The following FSTL5 variants were observed in gnomAD, a reference collection of about 807,000 sequenced individuals.
FSTL5 encodes follistatin like 5, also known as follistatin-related protein 5.
In FSTL5, 62 loss-of-function variants were observed where a neutral mutation model predicts 89.1. That is an observed-to-expected ratio of 0.70 (90% confidence interval 0.57 to 0.86). The LOEUF is 0.86. FSTL5 is among the 40% of genes least tolerant of loss of function. The pLI, the probability that FSTL5 is intolerant of heterozygous loss-of-function variation, is 0.00. For missense variants in FSTL5, 1,057 were observed against 1,001.6 expected, an observed-to-expected ratio of 1.06 and a Z score of -0.75; for synonymous variants, 383 against 346.2, an observed-to-expected ratio of 1.11 and a Z score of -1.18.
At chr4:161,957,280 C>A (rs1352828466) in intron 3 of FSTL5, among the ~76,000 whole-genome samples, 1 of 151,730 alleles carries the variant, frequency 6.6e-6, no homozygotes, top group Non-Finnish European at 1.5e-5. Flanking sequence ...AATTATAGCA[C>A]CCTAACTTTT....
At chr4:162,116,360 T>C (rs1255484969) in intron 1 of FSTL5, among the ~76,000 whole-genome samples, 1 of 152,208 alleles carries the variant, frequency 6.6e-6, no homozygotes, top group Non-Finnish European at 1.5e-5. Flanking sequence ...AGTATCTACA[T>C]GCTGTAACAC....
chr4:161,922,246 G>A (rs1048164161), intron 3 of FSTL5, among the ~76,000 whole-genome samples: 4 of 151,578 alleles, frequency 2.6e-5, no homozygotes, highest in African/African-American at 7.3e-5. Flanking sequence ...ACAAATAGGT[G>A]GAAAAATAAT....
At chr4:161,630,290 T>G (rs1172047692) in intron 7 of FSTL5, among the ~76,000 whole-genome samples, 1 of 152,194 alleles carries the variant, frequency 6.6e-6, no homozygotes, top group South Asian at 2.1e-4. Context: ...CCAGCTCTCA[T>G]TTAGCCTCTG....
intron 1 of FSTL5, among the ~76,000 whole-genome samples, chr4:162,161,632 T>C (rs534678083): frequency 6.6e-6 from 1 of 152,108 alleles, no homozygotes; most frequent in African/African-American, 2.4e-5. Flanking sequence ...ATATTTATAC[T>C]TGAATAAAGA....
chr4:161,515,736 A>G (rs751782454), intron 10 of FSTL5, among the ~76,000 whole-genome samples: 73 of 151,990 alleles, frequency 4.8e-4, no homozygotes, highest in Non-Finnish European at 9.0e-4. Context: ...CCTAGTACCA[A>G]TATCAGATGC....
At chr4:161,604,754 A>G (rs1734378038) in intron 7 of FSTL5, among the ~76,000 whole-genome samples, 1 of 152,142 alleles carries the variant, frequency 6.6e-6, no homozygotes, top group Non-Finnish European at 1.5e-5. Context: ...ACTGCTGTAA[A>G]CTGCTTTTTA....
intron 8 of FSTL5, among the ~76,000 whole-genome samples, chr4:161,543,421 G>T (rs1406385986): frequency 6.6e-6 from 1 of 151,862 alleles, no homozygotes; most frequent in Non-Finnish European, 1.5e-5. Context: ...CAAAGGTACA[G>T]TGTAATCCTT....
At chr4:161,453,227 A>G (rs2126396814) in intron 15 of FSTL5, among the ~76,000 whole-genome samples, 1 of 152,350 alleles carries the variant, frequency 6.6e-6, no homozygotes, top group South Asian at 2.1e-4. Context: ...TATTAATAGT[A>G]CATTTTTAAA....
intron 4 of FSTL5, among the ~76,000 whole-genome samples, chr4:161,878,598 TACA>T (rs1447240717): frequency 3.9e-5 from 6 of 151,982 alleles, no homozygotes; most frequent in Admixed American, 1.3e-4. Context: ...AATAAGAAAA[TACA>T]ACGTTAGAAT....
At chr4:161,521,499 T>A (rs560289571) in intron 10 of FSTL5, among the ~76,000 whole-genome samples, 49 of 151,886 alleles carry the variant, frequency 3.2e-4, no homozygotes, top group Non-Finnish European at 5.3e-4. Context: ...TTCTCCTTAG[T>A]TTAGAAGGAA....
chr4:161,593,514 A>C (rs960247885), intron 7 of FSTL5, among the ~76,000 whole-genome samples: 3 of 151,654 alleles, frequency 2.0e-5, no homozygotes, highest in Non-Finnish European at 4.4e-5. Flanking sequence ...GAAAGAGAGA[A>C]AGAGATAAAT....
intron 8 of FSTL5, among the ~76,000 whole-genome samples, chr4:161,564,477 TATTA>T (rs1247652948): frequency 6.6e-6 from 1 of 150,532 alleles, no homozygotes; most frequent in Admixed American, 6.7e-5. Context: ...TGCTGAAATA[TATTA>T]ATTGATAACT....
At chr4:162,023,029 T>C (rs1737148612) in intron 3 of FSTL5, 1 of 152,118 alleles carries the variant, frequency 6.6e-6, no homozygotes, top group Admixed American at 6.6e-5. Context: ...ACTTGACCAC[T>C]ATGAAATCTG....
At chr4:161,808,996 A>G (rs1173456766) in intron 4 of FSTL5, among the ~76,000 whole-genome samples, 1 of 152,176 alleles carries the variant, frequency 6.6e-6, no homozygotes, top group Non-Finnish European at 1.5e-5. Flanking sequence ...AGGCGGGCAG[A>G]TCACGAGGTC....
chr4:161,646,375 G>C (rs4352428), intron 7 of FSTL5, among the ~76,000 whole-genome samples: 39,926 of 149,908 alleles, frequency 0.27, 5,648 homozygotes, highest in Middle Eastern at 0.42. Flanking sequence ...CAGCAGTTTA[G>C]TTAGAAGCCT....
At chr4:161,901,982 A>G (rs1733379798) in intron 4 of FSTL5, among the ~76,000 whole-genome samples, 1 of 152,176 alleles carries the variant, frequency 6.6e-6, no homozygotes, top group Non-Finnish European at 1.5e-5. Context: ...TAAAAATTAA[A>G]GCCAAATAAA....
At chr4:162,038,985 C>T (rs928072592) in intron 2 of FSTL5, among the ~76,000 whole-genome samples, 1 of 151,760 alleles carries the variant, frequency 6.6e-6, no homozygotes, top group Non-Finnish European at 1.5e-5. Flanking sequence ...ATAATACCCA[C>T]AAATACTCTT....
rs192131744 is a variant in FSTL5 at position 161,548,860 on chromosome 4, T to A, written c.1016-6167A>T. ...TAAATTTTTGAGGTTAGATGAGAAT[T>A]TGAATATATTAGAACAAATGGTTTA... On this transcript the variant is annotated intron_variant, in intron 8 of 15. Coordinates refer to ENST00000306100, the MANE Select transcript of FSTL5 (RefSeq NM_020116.5). Among the ~76,000 whole-genome samples the A allele has an allele frequency of 3.4e-4, 52 of 152,002 alleles. 1 individual carries two copies. In the East Asian group the frequency reaches 0.01, roughly 30 times the overall value.
At chr4:162,148,517 A>G (rs182879455) in intron 1 of FSTL5, among the ~76,000 whole-genome samples, 17 of 152,312 alleles carry the variant, frequency 1.1e-4, no homozygotes, top group East Asian at 9.6e-4. Flanking sequence ...TCTGCATATT[A>G]ATAGGTCTAA....
Sources: gnomAD v4.1 joint callset for allele counts (sites outside exome capture counted in the v4.1 genomes callset) on GRCh38, gnomAD v4.1.1 for gene constraint, MANE v1.5 for transcripts, NCBI Gene and HGNC (gene_info 2026-07-23, HGNC 2026-07-21) for gene names.